ABCA3: variants seen among roughly 807,000 people sequenced by gnomAD.
ABCA3 encodes the protein ATP binding cassette subfamily A member 3.
A neutral mutation model predicts 172.8 loss-of-function variants in ABCA3; 88 were observed. That is an observed-to-expected ratio of 0.51 (90% confidence interval 0.43 to 0.61). ABCA3 has a LOEUF of 0.61. Ranked by LOEUF, ABCA3 falls within the 20% of genes least tolerant of loss-of-function variation. ABCA3 has a pLI of 0.00. For missense variants in ABCA3, 2,164 were observed against 2,301.0 expected, an observed-to-expected ratio of 0.94 and a Z score of 1.22; for synonymous variants, 1,066 against 983.8, an observed-to-expected ratio of 1.08 and a Z score of -1.56.
chr16:2,302,786 G>A (rs563236861), intron 12 of ABCA3, among the ~76,000 whole-genome samples: 2 of 147,166 alleles, frequency 1.4e-5, no homozygotes, highest in African/African-American at 2.5e-5. Context: ...TGTCCACCCC[G>A]ATCCCATTTT....
chr16:2,292,314 C>T (rs1037476904), intron 18 of ABCA3, 76 bp from the exon 19 acceptor site: 5 of 1,332,854 alleles, frequency 3.8e-6, no homozygotes, highest in Non-Finnish European at 5.3e-6. Flanking sequence ...CATCACCCCC[C>T]CTCGGCCAGG....
rs779862368 is a variant in ABCA3 at position 2,326,111 on chromosome 16, G to A, written c.218C>T (p.Pro73Leu). 23 of 1,614,002 alleles carry A rather than the reference G, an allele frequency of 1.4e-5. No individual in the cohort carries two copies. The East Asian group carries it at 2.0e-4, about 14-fold the overall frequency. Residue 73 changes from proline (P) to leucine (L), a missense_variant, in exon 5 of 33, where the codon CCG (proline) becomes CTG (leucine). Physicochemically the swap from Pro to Leu is moderately conservative, Grantham distance 98. Around this residue, in one of 3 missense-constraint regions of ABCA3, gnomAD observed 1,343 missense variants for 1,369.6 expected, o/e 0.98. Transcript: ENST00000301732. ...QELPLFFTFP[P>L]PGDTWELAYI... ...GGCAAGCTCCCAGGTGTCTCCTGGC[G>A]GAGGGAAGGTGAAGAACAGAGGCAG...
At chr16:2,300,178 GT>G (rs778663320) in intron 12 of ABCA3, 30 bp from the exon 13 acceptor site, 1 of 1,612,720 alleles carries the variant, frequency 6.2e-7, no homozygotes, top group Non-Finnish European at 8.5e-7. Flanking sequence ...CTGTCAGTTT[GT>G]TTTGTTTGTG....
rs770067386 is a variant in ABCA3 at position 2,297,543 on chromosome 16, G to GAGGGAGAGACACAGTCTCGCGACGC, written c.2053-29_2053-5dup. 4.4e-5 allele frequency: 71 copies of GAGGGAGAGACACAGTCTCGCGACGC among 1,611,922 alleles called. No homozygotes were observed. Among genetic ancestry groups the GAGGGAGAGACACAGTCTCGCGACGC allele is most frequent in the Non-Finnish European group, 3.5e-5 (41 of 1,179,918 alleles). On this transcript the variant is annotated splice_polypyrimidine_tract_variant and splice_region_variant and intron_variant, in intron 16 of 32. Coordinates refer to ENST00000301732, the MANE Select transcript of ABCA3 (RefSeq NM_001089.3). This position sits in a 1 kb window ranked among gnomAD's most constrained non-coding sequence, Gnocchi z 5.6. Reference sequence around the variant, plus strand: ...TGGGCTCGTCCAGTATCAGCACCTGGAGGGAGAGACACAGTCTCGCGACGC... The same window carrying GAGGGAGAGACACAGTCTCGCGACGC: ...TGGGCTCGTCCAGTATCAGCACCTGGAGGGAGAGACACAGTCTCGCGACGCAGGGAGAGACACAGTCTCGCGACGC...
At chr16:2,298,041 G>A in intron 15 of ABCA3, 120 bp from the exon 16 acceptor site, 4 of 766,238 alleles carry the variant, frequency 5.2e-6, no homozygotes, top group African/African-American at 1.6e-5. Flanking sequence ...AGGGCTCCTG[G>A]CGGGAGGCCG....
chr16:2,276,519 C>T lies in ABCA3; in HGVS notation c.*155G>A, dbSNP rs189931611. On this transcript the variant is annotated 3_prime_UTR_variant, in exon 33 of 33. Coordinates refer to ENST00000301732, the MANE Select transcript of ABCA3 (RefSeq NM_001089.3). ...CTGGGCATGAGGGCTGGGCTGCACT[C>T]GTCCATTCTGTGCATACTGCCTTGA... 3.4e-3 allele frequency: 4,289 copies of T among 1,263,926 alleles called. 16 individuals are homozygous for T. The highest frequency in any genetic ancestry group is 4.2e-3 in the Non-Finnish European group (3,832 of 914,484). 78.3% of individuals were successfully genotyped at this position (1,263,926 alleles called of 1,614,324 possible).
intron 12 of ABCA3, among the ~76,000 whole-genome samples, chr16:2,301,891 C>T (rs1021313380): frequency 6.6e-6 from 1 of 152,216 alleles, no homozygotes; most frequent in Non-Finnish European, 1.5e-5. Flanking sequence ...TAAATAAAAT[C>T]TCTGCAGCAA....
chr16:2,302,447 G>A (rs1438906216), intron 12 of ABCA3, among the ~76,000 whole-genome samples: 1 of 151,746 alleles, frequency 6.6e-6, no homozygotes, highest in African/African-American at 2.4e-5. Context: ...TGTACTGTTA[G>A]GTTAAGAAAA....
intron 1 of ABCA3, among the ~76,000 whole-genome samples, chr16:2,335,217 AG>A (rs1420649322): frequency 2.0e-5 from 3 of 152,170 alleles, no homozygotes; most frequent in Non-Finnish European, 2.9e-5. Context: ...GGGGTGGGCT[AG>A]ACAACCTGCA....
At position 2,300,245 on chromosome 16, in the gene ABCA3, G is replaced by A. The variant is rs113090927; in HGVS notation, c.1468-97C>T. On this transcript the variant is annotated intron_variant, in intron 12 of 32. Transcript: ENST00000301732. ...AGATGCACACAGCCATGCAGCCTCT[G>A]TCCCAGGACTTCGAGGCACTGCTGT... 1.4e-5 allele frequency: 22 copies of A among 1,552,582 alleles called. No homozygotes were observed. In the African/African-American group the frequency reaches 1.8e-4, roughly 13 times the overall value.
intron 14 of ABCA3, among the ~76,000 whole-genome samples, chr16:2,299,113 A>C (rs2093684797): frequency 7.4e-6 from 1 of 134,332 alleles, no homozygotes; most frequent in Admixed American, 7.3e-5. Flanking sequence ...GCATTCACGG[A>C]CAGAGGCGGT....
chr16:2,315,912 G>C (rs1327999356), intron 10 of ABCA3, among the ~76,000 whole-genome samples: 1 of 146,036 alleles, frequency 6.8e-6, no homozygotes, highest in African/African-American at 2.5e-5. Flanking sequence ...TAAACTCCTG[G>C]GCTCAAGTGA....
intron 13 of ABCA3, among the ~76,000 whole-genome samples, 157 bp from the exon 14 acceptor site, chr16:2,299,689 C>T (rs1048370745): frequency 3.9e-5 from 6 of 152,206 alleles, no homozygotes; most frequent in African/African-American, 1.4e-4. Flanking sequence ...GATGCTGCTC[C>T]TGGCTGCTCC....
intron 11 of ABCA3, 126 bp downstream of exon 11, chr16:2,308,324 C>G (rs2093700984): frequency 8.6e-7 from 1 of 1,165,596 alleles, no homozygotes; most frequent in Non-Finnish European, 1.3e-6. Context: ...GATGCTGCTG[C>G]CTTCAGTGGT....
chr16:2,337,892 C>T (rs183001261), intron 1 of ABCA3, among the ~76,000 whole-genome samples: 17 of 152,336 alleles, frequency 1.1e-4, no homozygotes, highest in African/African-American at 4.1e-4. Flanking sequence ...CCTAGGATCA[C>T]AGGCTCTGCG....
In ABCA3 at chr16:2,279,622, G is replaced by T. The variant is rs544062175; in HGVS notation, c.4360-492C>A. Among the ~76,000 whole-genome samples, 60 of 152,330 alleles carry T rather than the reference G, an allele frequency of 3.9e-4. No homozygotes were observed. Among genetic ancestry groups the T allele is most frequent in the Non-Finnish European group, 8.2e-4 (56 of 68,032 alleles). ...CCAGCTGAATTAAGACGTGCCTGCT[G>T]CCATCTGCTTAGCTACCTTCAGCAG... is the stretch of plus-strand genomic sequence containing the variant. On this transcript the variant is annotated intron_variant, in intron 28 of 32. Coordinates refer to ENST00000301732, the MANE Select transcript of ABCA3 (RefSeq NM_001089.3). This position sits in a 1 kb window ranked among gnomAD's most constrained non-coding sequence, Gnocchi z 4.4.
At position 2,292,148 on chromosome 16, in the gene ABCA3, G is replaced by C; in HGVS notation, c.2505C>G (p.Val835=). 6.2e-7 allele frequency: 1 copy of C among 1,613,150 alleles called. No homozygotes were observed. Among genetic ancestry groups the C allele is most frequent in the Non-Finnish European group, 8.5e-7 (1 of 1,179,248 alleles). Residue 835 remains valine, a synonymous_variant, in exon 19 of 33, where the codon GTC becomes GTG. Coordinates refer to ENST00000301732, the MANE Select transcript of ABCA3 (RefSeq NM_001089.3). ...FGASITTMEE[V]FLRVGKLVDS... is the part of the protein sequence containing the mutation. ...AATGCGCATTTACTGACCGAAGGAA[G>C]ACTTCCTCCATGGTGGTGATGGATG...
chr16:2,285,768 A>C lies in ABCA3; in HGVS notation c.3279-122T>G, dbSNP rs763077489. On this transcript the variant is annotated intron_variant, in intron 22 of 32. Transcript: ENST00000301732. The surrounding 1 kb of genome is among the most constrained non-coding windows in gnomAD (Gnocchi z 4.7). ...AGCAGCCCAACCACTAAAGGGGCTT[A>C]TGGGAGAGCACAAGCACCATGGTTC... 2.2e-6 allele frequency: 2 copies of C among 894,694 alleles called. No homozygotes were observed. Among genetic ancestry groups the C allele is most frequent in the Non-Finnish European group, 3.6e-6 (2 of 560,742 alleles). 55.4% of individuals were successfully genotyped at this position (894,694 alleles called of 1,614,324 possible). A position where few individuals can be genotyped will look rare whatever the true frequency, so the allele number is the denominator to read the frequency against.
intron 1 of ABCA3, among the ~76,000 whole-genome samples, chr16:2,340,005 C>T (rs1225062725): frequency 6.6e-6 from 1 of 152,238 alleles, no homozygotes; most frequent in Non-Finnish European, 1.5e-5. Context: ...CAGTGGAGGG[C>T]GCAGCAAACG....
Sources: gnomAD v4.1 joint callset for allele counts (sites outside exome capture counted in the v4.1 genomes callset) on GRCh38, gnomAD v4.1.1 for gene constraint, gnomAD v4.1.1 regional missense constraint, Gnocchi (gnomAD v3.1) non-coding constraint, MANE v1.5 for transcripts, NCBI Gene and HGNC (gene_info 2026-07-23, HGNC 2026-07-21) for gene names.